The following CNNM1 variants were observed in gnomAD, a reference collection of about 807,000 sequenced individuals.
CNNM1 encodes the protein cyclin and CBS domain divalent metal cation transport mediator 1, also known as metal transporter CNNM1.
In CNNM1, 44 loss-of-function variants were observed where a neutral mutation model predicts 78.8. The ratio of observed to expected loss-of-function variants is 0.56; its 90% CI spans 0.44 to 0.72. The LOEUF (loss-of-function observed/expected upper bound fraction) is 0.72, where lower values mean the gene tolerates loss of function less well. Ranked by LOEUF, CNNM1 falls within the 30% of genes least tolerant of loss-of-function variation. CNNM1 has a pLI of 0.00. For missense variants in CNNM1, 1,101 were observed against 1,292.2 expected (o/e 0.85, Z 2.27); for synonymous variants, 584 against 581.5 (o/e 1.00, Z -0.06).
intron 7 of CNNM1, among the ~76,000 whole-genome samples, chr10:99,386,526 G>A (rs2032310481): frequency 6.6e-6 from 1 of 152,210 alleles, no homozygotes; most frequent in African/African-American, 2.4e-5. Flanking sequence ...ATCTCTGCAT[G>A]TATGTGTCCC....
chr10:99,339,939 A>AT (rs917028544), intron 1 of CNNM1, among the ~76,000 whole-genome samples: 9 of 152,356 alleles, frequency 5.9e-5, no homozygotes, highest in African/African-American at 2.2e-4. Flanking sequence ...AAGAAAATAA[A>AT]TTTTTTCATT....
At position 99,330,938 on chromosome 10, in the gene CNNM1, G is replaced by A. The variant is rs747269159; in HGVS notation, c.1551G>A (p.Thr517=). Residue 517 remains threonine, a synonymous_variant, in exon 1 of 11, where the codon ACG becomes ACA. Transcript: ENST00000356713. The stretch of plus-strand genomic sequence containing the variant: ...TTTTCAATGACACCCGACTGGACAC[G>A]GTTCTGGAGGAGTTTAAGAAGGGTG... The part of the protein sequence containing the change: ...HCVFNDTRLD[T]VLEEFKKGKS... 6.2e-7 allele frequency: 1 copy of A among 1,612,678 alleles called. No homozygotes were observed. Among genetic ancestry groups the A allele is most frequent in the South Asian group, 1.1e-5 (1 of 90,998 alleles).
At position 99,330,204 on chromosome 10, in the gene CNNM1, C is replaced by CA; in HGVS notation, c.818dup (p.Ala274GlyfsTer136). ...CGAGCAGGAGCAGGCGCGCCGCGTG[C>CA]AGGCCGTTCGCGGCAGGGGGACCCA... is the stretch of plus-strand genomic sequence containing the variant. On this transcript the variant is annotated frameshift_variant, in exon 1 of 11. Transcript: ENST00000356713. LOFTEE classifies it high-confidence loss of function. The CA allele has an allele frequency of 1.3e-6, 2 of 1,511,138 alleles. No individual in the cohort carries two copies. The highest frequency in any genetic ancestry group is 2.6e-5 in the South Asian group (2 of 77,442). The allele number at this position is 1,511,138 out of a possible 1,614,324, so 93.6% of individuals were successfully genotyped here.
chr10:99,345,050 A>G (rs968064349), intron 1 of CNNM1, among the ~76,000 whole-genome samples: 2 of 152,220 alleles, frequency 1.3e-5, no homozygotes, highest in African/African-American at 4.8e-5. Context: ...GCACAAGGTC[A>G]AGAGGCAGAC....
intron 7 of CNNM1, among the ~76,000 whole-genome samples, chr10:99,378,904 C>G (rs1412723969): frequency 6.6e-6 from 1 of 152,198 alleles, no homozygotes; most frequent in Non-Finnish European, 1.5e-5. Context: ...AGTGCCTTTA[C>G]GAGCTGACCG....
At chr10:99,381,229 G>A (rs1204217023) in intron 7 of CNNM1, among the ~76,000 whole-genome samples, 1 of 151,518 alleles carries the variant, frequency 6.6e-6, no homozygotes, top group African/African-American at 2.4e-5. Context: ...TGGCCAACGT[G>A]GTGAAACCCT....
In CNNM1 at chr10:99,364,486, G is replaced by A. The variant is rs750830486; in HGVS notation, c.2098G>A (p.Val700Ile). The change falls in exon 5 of 11, where the codon GTC becomes ATC. Residue 700 changes from valine (V) to isoleucine (I), a missense_variant. Physicochemically the swap from Val to Ile is conservative, Grantham distance 29. Coordinates refer to ENST00000356713, the MANE Select transcript of CNNM1 (RefSeq NM_020348.3). ...FENGAFTYYG[V>I]PAIMTTACSD... The stretch of plus-strand genomic sequence containing the variant: ...AAATGGAGCCTTTACTTACTATGGC[G>A]TCCCAGCCATCATGACCACTGCTTG... The A allele has an allele frequency of 3.6e-5, 58 of 1,611,716 alleles. No individual in the cohort carries two copies. The highest frequency in any genetic ancestry group is 5.0e-5 in the Admixed American group (3 of 59,742).
At chr10:99,344,331 C>CA (rs1242567242) in intron 1 of CNNM1, among the ~76,000 whole-genome samples, 3,414 of 21,738 alleles carry the variant, frequency 0.16, 134 homozygotes, top group African/African-American at 0.34. Flanking sequence ...GACTCCGTCT[C>CA]AAAAAAAAAA....
At chr10:99,353,578 G>A (rs1187187244) in intron 1 of CNNM1, among the ~76,000 whole-genome samples, 2 of 152,314 alleles carry the variant, frequency 1.3e-5, no homozygotes, top group African/African-American at 4.8e-5. Context: ...AGTAAGGGAG[G>A]TGCAGGCATA....
chr10:99,379,308 T>G (rs2032068059), intron 7 of CNNM1, among the ~76,000 whole-genome samples: 1 of 152,132 alleles, frequency 6.6e-6, no homozygotes, highest in Non-Finnish European at 1.5e-5. Flanking sequence ...ATACATAACC[T>G]AGGTAATTTC....
At chr10:99,385,895 A>C (rs1045892668) in intron 7 of CNNM1, among the ~76,000 whole-genome samples, 1 of 152,196 alleles carries the variant, frequency 6.6e-6, no homozygotes, top group African/African-American at 2.4e-5. Flanking sequence ...TAAAGAACCC[A>C]AACAGAGTAA....
intron 1 of CNNM1, among the ~76,000 whole-genome samples, chr10:99,352,391 T>C (rs1268814159): frequency 1.3e-5 from 2 of 152,234 alleles, no homozygotes; most frequent in Non-Finnish European, 2.9e-5. Flanking sequence ...TGGACATATG[T>C]TTTCATTTCT....
Position 99,379,640 on chromosome 10 carries a change from ATTT to A in CNNM1, c.2340+2438_2340+2440del, listed in dbSNP as rs11305524. On this transcript the variant is annotated intron_variant, in intron 7 of 10. Transcript: ENST00000356713. ...TGGATTCTACTTTAAGTGTGGCGGG[ATTT>A]TTTTTTTTTTTTTTTGTAGAGACAG... Among the ~76,000 whole-genome samples the A allele has an allele frequency of 6.8e-3, 811 of 119,710 alleles. 7 individuals carry two copies. Among genetic ancestry groups the A allele is most frequent in the African/African-American group, 0.023 (752 of 33,416 alleles). The allele number at this position is 119,710 out of a possible 152,430, so 78.5% of individuals were successfully genotyped here. A position where few individuals can be genotyped will look rare whatever the true frequency, so the allele number is the denominator to read the frequency against.
chr10:99,329,647 T>C lies in CNNM1; in HGVS notation c.260T>C (p.Val87Ala). ...QPGPPATAAPVPSPTLNSGEN... is the reference protein window; with the variant it reads ...QPGPPATAAPAPSPTLNSGEN... Reference sequence around the variant, plus strand: ...GGACCGCCGGCCACCGCCGCACCGGTGCCCTCACCGACCCTCAACTCGGGG... The same window carrying C: ...GGACCGCCGGCCACCGCCGCACCGGCGCCCTCACCGACCCTCAACTCGGGG... Residue 87 changes from valine to alanine, a missense_variant, in exon 1 of 11, where the codon GTG becomes GCG. By Grantham distance (64) the Val-to-Ala change is moderately conservative. Transcript: ENST00000356713. The C allele has an allele frequency of 6.5e-7, 1 of 1,537,886 alleles. No individual in the cohort carries two copies. Among genetic ancestry groups the C allele is most frequent in the Non-Finnish European group, 8.7e-7 (1 of 1,150,688 alleles).
intron 2 of CNNM1, among the ~76,000 whole-genome samples, chr10:99,359,947 A>AT (rs1564949361): frequency 2.0e-5 from 3 of 151,456 alleles, no homozygotes; most frequent in Non-Finnish European, 4.4e-5. Context: ...CAAAAAAAAA[A>AT]GCGGGGGCCG....
chr10:99,377,291 T>C lies in CNNM1; in HGVS notation c.2340+73T>C, dbSNP rs554764058. Reference sequence around the variant, plus strand: ...GGCTGGCTGAGCGGGACAAGAAGACTACCCCCATTCCTAGGAGGGATGTGT... The same window carrying C: ...GGCTGGCTGAGCGGGACAAGAAGACCACCCCCATTCCTAGGAGGGATGTGT... On this transcript the variant is annotated intron_variant, in intron 7 of 10. Coordinates refer to ENST00000356713, the MANE Select transcript of CNNM1 (RefSeq NM_020348.3). The C allele has an allele frequency of 1.0e-4, 146 of 1,417,416 alleles. No individual in the cohort carries two copies. The African/African-American group carries it at 1.9e-3, about 19-fold the overall frequency. The allele number at this position is 1,417,416 out of a possible 1,614,324, so 87.8% of individuals were successfully genotyped here.
rs1469657572 is a variant in CNNM1, at chr10:99,330,161, G to T, written c.774G>T (p.Arg258=). The change falls in exon 1 of 11, where the codon CGG becomes CGT. Residue 258 remains arginine, a synonymous_variant. Transcript: ENST00000356713. ...ACCCGGTGGAGTTACGGGTGCTGCG[G>T]AACAGCGGCTCGGCCGCCGAGCAGG... ...SLDPVELRVL[R]NSGSAAEQEQ... 2.0e-6 allele frequency: 3 copies of T among 1,533,928 alleles called. No individual in the cohort carries two copies. Among genetic ancestry groups the T allele is most frequent in the Non-Finnish European group, 2.6e-6 (3 of 1,146,034 alleles).
intron 9 of CNNM1, among the ~76,000 whole-genome samples, chr10:99,390,105 C>G (rs1286431818): frequency 1.3e-5 from 2 of 152,106 alleles, no homozygotes; most frequent in East Asian, 3.9e-4. Flanking sequence ...TCTTTTTGTT[C>G]CTTTTGTGGC....
chr10:99,352,806 T>C (rs993135207), intron 1 of CNNM1, among the ~76,000 whole-genome samples: 3 of 152,190 alleles, frequency 2.0e-5, no homozygotes, highest in African/African-American at 7.2e-5. Context: ...GTGAATTGTC[T>C]TTTACCTTTC....
Sources: gnomAD v4.1 joint callset for allele counts (sites outside exome capture counted in the v4.1 genomes callset) on GRCh38, gnomAD v4.1.1 for gene constraint, MANE v1.5 for transcripts, NCBI Gene and HGNC (gene_info 2026-07-23, HGNC 2026-07-21) for gene names.